COL24A1: variants seen among roughly 807,000 people sequenced by gnomAD.
COL24A1 encodes collagen alpha-1(XXIV) chain.
In COL24A1, 224 loss-of-function variants were observed where a neutral mutation model predicts 253.9. The observed-to-expected ratio is 0.88, with a 90% CI of 0.79 to 0.99. The LOEUF is 0.99. COL24A1 is among the 50% of genes least tolerant of loss of function. The pLI is 0.00. For missense variants in COL24A1, 2,131 were observed against 2,068.5 expected, an observed-to-expected ratio of 1.03 and a Z score of -0.59; for synonymous variants, 685 against 673.7, an observed-to-expected ratio of 1.02 and a Z score of -0.26.
At chr1:85,761,773 TA>T (rs1240808347) in intron 53 of COL24A1, among the ~76,000 whole-genome samples, 1 of 152,232 alleles carries the variant, frequency 6.6e-6, no homozygotes, top group Non-Finnish European at 1.5e-5. Context: ...TTTTCCTGTT[TA>T]TCGATATTAT....
At chr1:85,907,961 C>G (rs555455850) in intron 27 of COL24A1, among the ~76,000 whole-genome samples, 80 of 151,766 alleles carry the variant, frequency 5.3e-4, no homozygotes, top group African/African-American at 1.9e-3. Context: ...TAAAAGCCAA[C>G]AACATATTTG....
intron 35 of COL24A1, among the ~76,000 whole-genome samples, chr1:85,872,138 G>A (rs1186669582): frequency 6.6e-6 from 1 of 152,090 alleles, no homozygotes. Flanking sequence ...AGCTTACAAG[G>A]GATGTGAAGG....
intron 2 of COL24A1, among the ~76,000 whole-genome samples, chr1:86,133,019 T>TG (rs146183915): frequency 0.96 from 146,170 of 152,054 alleles, 70,416 homozygotes; most frequent in Non-Finnish European, 1. Flanking sequence ...TTCTTCCATT[T>TG]TTTGTATCCT....
rs114203422 is a variant in COL24A1 at position 85,887,598 on chromosome 1, G to A, written c.2976+1962C>T. ...GCAGCCATCCATACATAAGGGAATC[G>A]TTGTGGCTGTGTTTCAATAAAATTT... On this transcript the variant is annotated intron_variant, in intron 32 of 59. Transcript: ENST00000370571. 3.1e-3 allele frequency among the ~76,000 whole-genome samples: 472 copies of A among 152,108 alleles called. 3 individuals carry two copies. The highest frequency in any genetic ancestry group is 0.011 in the African/African-American group (455 of 41,488).
intron 57 of COL24A1, among the ~76,000 whole-genome samples, chr1:85,739,079 T>C (rs957015457): frequency 2.6e-5 from 4 of 152,262 alleles, no homozygotes; most frequent in Admixed American, 1.3e-4. Flanking sequence ...CCATTCCTAG[T>C]CCCTTATCTT....
At chr1:85,835,848 A>G (rs1675941344) in intron 43 of COL24A1, among the ~76,000 whole-genome samples, 1 of 152,310 alleles carries the variant, frequency 6.6e-6, no homozygotes, top group East Asian at 1.9e-4. Context: ...CGTTCAAGAC[A>G]CACTACCCCA....
intron 24 of COL24A1, among the ~76,000 whole-genome samples, chr1:85,953,504 G>A (rs936148645): frequency 1.2e-4 from 18 of 152,034 alleles, no homozygotes; most frequent in Non-Finnish European, 7.4e-5. Flanking sequence ...TTTCTAGATC[G>A]TATACTACTT....
chr1:85,954,862 T>A (rs1298160491), intron 24 of COL24A1, among the ~76,000 whole-genome samples: 1 of 152,208 alleles, frequency 6.6e-6, no homozygotes, highest in African/African-American at 2.4e-5. Flanking sequence ...GGCATAGTTG[T>A]AGAGTTATAC....
intron 1 of COL24A1, chr1:86,155,285 A>T (rs1010377098): frequency 8.5e-5 from 13 of 152,074 alleles, no homozygotes; most frequent in African/African-American, 3.1e-4. Flanking sequence ...TGGGAAGCAC[A>T]TGTTCATACA....
chr1:86,078,470 GAAAA>G (rs921224628), intron 7 of COL24A1, among the ~76,000 whole-genome samples: 2 of 151,302 alleles, frequency 1.3e-5, no homozygotes, highest in Non-Finnish European at 3.0e-5. Context: ...TCAGACAACA[GAAAA>G]AAAATAAAGG....
intron 5 of COL24A1, among the ~76,000 whole-genome samples, chr1:86,101,680 G>A (rs1247815027): frequency 6.6e-6 from 1 of 152,128 alleles, no homozygotes; most frequent in Non-Finnish European, 1.5e-5. Flanking sequence ...TTTATGTGAT[G>A]AATCACATAT....
intron 43 of COL24A1, among the ~76,000 whole-genome samples, chr1:85,831,114 C>G (rs1450709531): frequency 2.0e-5 from 3 of 152,000 alleles, no homozygotes; most frequent in Non-Finnish European, 4.4e-5. Context: ...TTCTATATAG[C>G]CCATGACCAC....
chr1:85,945,019 T>TTTTTTTTTG lies in COL24A1; in HGVS notation c.2562+16229_2562+16230insCAAAAAAAA, dbSNP rs1689179218. On this transcript the variant is annotated intron_variant, in intron 24 of 59. Transcript: ENST00000370571. ...ATCATTGTGTTTTTTTTTTTTTTTTTTTTTTTTTTTTTTTTTGAGACAGAG... is the reference window on the plus strand; with the variant it reads ...ATCATTGTGTTTTTTTTTTTTTTTTTTTTTTTTTGTTTTTTTTTTTTTTTTGAGACAGAG... Among the ~76,000 whole-genome samples, 27 of 73,388 alleles carry TTTTTTTTTG rather than the reference T, an allele frequency of 3.7e-4. 1 individual carries two copies. The highest frequency in any genetic ancestry group is 4.1e-4 in the Admixed American group (2 of 4,852). The allele number at this position is 73,388 out of a possible 152,430, so 48.1% of individuals were successfully genotyped here. A position where few individuals can be genotyped will look rare whatever the true frequency, so the allele number is the denominator to read the frequency against.
At chr1:85,847,309 C>G (rs1262902824) in intron 39 of COL24A1, among the ~76,000 whole-genome samples, 1 of 152,154 alleles carries the variant, frequency 6.6e-6, no homozygotes, top group Non-Finnish European at 1.5e-5. Context: ...ATTTTCAAAG[C>G]AATTTGTCAA....
At chr1:86,124,756 G>T in intron 3 of COL24A1, 89 bp downstream of exon 3, 1 of 999,722 alleles carries the variant, frequency 1.0e-6, no homozygotes, top group Non-Finnish European at 1.4e-6. Flanking sequence ...GTATTGTTTG[G>T]TCCAGAGAAC....
intron 57 of COL24A1, among the ~76,000 whole-genome samples, chr1:85,740,976 G>C (rs992456696): frequency 6.3e-5 from 2 of 31,998 alleles, no homozygotes; most frequent in African/African-American, 1.5e-4. Flanking sequence ...AAAATTAGCT[G>C]GGCATCGTGG....
chr1:86,136,694 G>C (rs1432565266), intron 2 of COL24A1, among the ~76,000 whole-genome samples: 1 of 151,820 alleles, frequency 6.6e-6, no homozygotes, highest in Admixed American at 6.6e-5. Context: ...TCCACCACAC[G>C]ACCTCTCAGC....
intron 24 of COL24A1, among the ~76,000 whole-genome samples, chr1:85,922,492 G>A (rs1686632031): frequency 6.6e-6 from 1 of 152,236 alleles, no homozygotes; most frequent in South Asian, 2.1e-4. Context: ...CTATAAGCCA[G>A]AAGAGAGTGG....
At chr1:86,028,355 C>A (rs967321977) in intron 14 of COL24A1, among the ~76,000 whole-genome samples, 1 of 152,186 alleles carries the variant, frequency 6.6e-6, no homozygotes, top group Admixed American at 6.5e-5. Flanking sequence ...ATTCCCATAA[C>A]CCCCACATGC....
Sources: allele counts gnomAD v4.1 joint callset (sites outside exome capture counted in the v4.1 genomes callset), GRCh38; gene constraint gnomAD v4.1.1; transcripts MANE v1.5; gene names NCBI Gene and HGNC (gene_info 2026-07-23, HGNC 2026-07-21).